NPAT: variants seen among roughly 807,000 people sequenced by gnomAD.
NPAT encodes the protein nuclear protein, coactivator of histone transcription.
NPAT carries 52 observed loss-of-function variants against 130.7 expected under a neutral mutation model. The observed-to-expected ratio is 0.40, with a 90% CI of 0.32 to 0.50. The LOEUF (loss-of-function observed/expected upper bound fraction) is 0.50, where lower values mean the gene tolerates loss of function less well. NPAT is among the 20% of genes least tolerant of loss of function. NPAT has a pLI of 0.68. For missense variants in NPAT, 1,687 were observed against 1,662.6 expected (o/e 1.01, Z -0.26); for synonymous variants, 580 against 584.8 (o/e 0.99, Z 0.12).
At chr11:108,159,133 T>A (rs2077822383) in intron 17 of NPAT, 114 bp from the exon 18 acceptor site, 1 of 661,036 alleles carries the variant, frequency 1.5e-6, no homozygotes, top group Non-Finnish European at 2.6e-6. Context: ...ATTGTCAAAC[T>A]TTTTTAGTCT....
intron 17 of NPAT, among the ~76,000 whole-genome samples, chr11:108,159,728 A>T (rs1253864719): frequency 1.3e-5 from 2 of 152,176 alleles, no homozygotes; most frequent in Admixed American, 6.5e-5. Context: ...AAAAAACATA[A>T]GGCCAGGCGC....
At chr11:108,179,518 G>A (rs1000507594) in intron 10 of NPAT, among the ~76,000 whole-genome samples, 1 of 152,188 alleles carries the variant, frequency 6.6e-6, no homozygotes, top group Admixed American at 6.5e-5. Flanking sequence ...GGGATTACAG[G>A]CGTGAGCCAC....
chr11:108,208,253 G>C (rs1307256600), intron 1 of NPAT, among the ~76,000 whole-genome samples: 2 of 152,068 alleles, frequency 1.3e-5, no homozygotes, highest in Non-Finnish European at 2.9e-5. Flanking sequence ...TCTCAAAGTA[G>C]GTATTAAGAC....
intron 12 of NPAT, among the ~76,000 whole-genome samples, chr11:108,174,497 G>A (rs2077984985): frequency 6.9e-6 from 1 of 144,496 alleles, no homozygotes; most frequent in Admixed American, 7.1e-5. Context: ...GGTAAAAACT[G>A]TAACAGCATA....
intron 1 of NPAT, among the ~76,000 whole-genome samples, chr11:108,207,781 G>A (rs896621545): frequency 3.6e-4 from 55 of 152,146 alleles, no homozygotes; most frequent in African/African-American, 1.3e-3. Context: ...GCTGCACCTG[G>A]GAGGGCAGGG....
intron 1 of NPAT, among the ~76,000 whole-genome samples, chr11:108,205,030 TAA>T (rs993979285): frequency 7.2e-5 from 11 of 152,152 alleles, no homozygotes; most frequent in African/African-American, 2.4e-4. Context: ...TAGGATAAAC[TAA>T]AAGAGATCCA....
Position 108,160,931 on chromosome 11 carries a change from A to C in NPAT, c.4155T>G (p.Ser1385=), listed in dbSNP as rs1453209507. ...LDERERNSRP[S]SKNLTNSSIP... ...TTGATGAATTTGTAAGATTTTTACTAGAAGGACGAGAGTTTCGCTCACGTT... is the reference window on the plus strand; with the variant it reads ...TTGATGAATTTGTAAGATTTTTACTCGAAGGACGAGAGTTTCGCTCACGTT... The change falls in exon 17 of 18, where the codon TCT becomes TCG. Residue 1385 remains serine (S), a synonymous_variant. Coordinates refer to ENST00000278612, the MANE Select transcript of NPAT (RefSeq NM_002519.3). 3 of 1,614,064 alleles carry C rather than the reference A, an allele frequency of 1.9e-6. No homozygotes were observed. In the African/African-American group the frequency reaches 4.0e-5, roughly 22 times the overall value.
chr11:108,193,580 C>A (rs776715700), intron 3 of NPAT, among the ~76,000 whole-genome samples: 28 of 152,084 alleles, frequency 1.8e-4, no homozygotes, highest in Non-Finnish European at 1.8e-4. Context: ...ACAAAATTAG[C>A]CGGGCATGGT....
chr11:108,197,506 T>C (rs1019355406), intron 1 of NPAT, 86 bp from the exon 2 acceptor site: 3 of 879,398 alleles, frequency 3.4e-6, no homozygotes, highest in South Asian at 1.4e-5. Context: ...TAGCATGTAC[T>C]GATGTCACAA....
intron 7 of NPAT, 96 bp from the exon 8 acceptor site, chr11:108,186,665 C>G: frequency 9.9e-7 from 1 of 1,005,566 alleles, no homozygotes; most frequent in South Asian, 1.4e-5. Flanking sequence ...ATCACCATAA[C>G]AGAACAGATA....
chr11:108,188,606 T>G (rs772813130), intron 6 of NPAT, among the ~76,000 whole-genome samples: 28 of 152,190 alleles, frequency 1.8e-4, no homozygotes, highest in Non-Finnish European at 1.8e-4. Context: ...TAGCTTCTTA[T>G]CCCTTAACTA....
At chr11:108,219,404 G>C (rs549801090) in intron 1 of NPAT, among the ~76,000 whole-genome samples, 1 of 152,086 alleles carries the variant, frequency 6.6e-6, no homozygotes, top group Admixed American at 6.5e-5. Context: ...GCTGCTGGGC[G>C]TCTTAGCTTT....
intron 1 of NPAT, among the ~76,000 whole-genome samples, chr11:108,198,994 C>G (rs1256543162): frequency 6.6e-6 from 1 of 152,230 alleles, no homozygotes; most frequent in Non-Finnish European, 1.5e-5. Context: ...AGCTACCCAA[C>G]AGGAAGCAGG....
chr11:108,168,642 C>G (rs995317531), intron 15 of NPAT, among the ~76,000 whole-genome samples: 23 of 152,086 alleles, frequency 1.5e-4, no homozygotes, highest in African/African-American at 5.6e-4. Context: ...AAAAATAAAA[C>G]CGGAATATCC....
At chr11:108,199,403 C>T (rs560628592) in intron 1 of NPAT, among the ~76,000 whole-genome samples, 2 of 152,278 alleles carry the variant, frequency 1.3e-5, no homozygotes, top group African/African-American at 2.4e-5. Context: ...AGCCTAGAGG[C>T]GAGCGAGGCC....
Position 108,222,619 on chromosome 11 carries a change from CTG to C in NPAT, c.-85_-84del, listed in dbSNP as rs1555050578. The C allele has an allele frequency of 1.3e-6, 2 of 1,489,590 alleles. No individual in the cohort carries two copies. Among genetic ancestry groups the C allele is most frequent in the Non-Finnish European group, 1.9e-6 (2 of 1,076,046 alleles). The allele number at this position is 1,489,590 out of a possible 1,614,324, so 92.3% of individuals were successfully genotyped here. ...AGCGACAGCTCCTGCGCCGCATCTC[CTG>C]GTTCCAGTGGCGGCACTGAACTCGC... is the stretch of plus-strand genomic sequence containing the variant. On this transcript the variant is annotated 5_prime_UTR_variant, in exon 1 of 18. Coordinates refer to ENST00000278612, the MANE Select transcript of NPAT (RefSeq NM_002519.3).
In NPAT at chr11:108,172,808, T is replaced by C. The variant is rs781543382; in HGVS notation, c.2176A>G (p.Ser726Gly). 1 of 1,613,740 alleles carries C rather than the reference T, an allele frequency of 6.2e-7. No homozygotes were observed. Among genetic ancestry groups the C allele is most frequent in the Non-Finnish European group, 8.5e-7 (1 of 1,180,014 alleles). Residue 726 changes from serine to glycine, a missense_variant, in exon 13 of 18, where the codon AGC becomes GGC. Transcript: ENST00000278612. ...GCATCTATCTCTGCTGAGTTGTTGC[T>C]AGAAGGTTTATCATCAGTATTTTGG... Reference protein sequence around the residue: ...ESQNTDDKPSSNNSAEIDASN... With the variant: ...ESQNTDDKPSGNNSAEIDASN...
At chr11:108,201,443 G>A (rs1463730219) in intron 1 of NPAT, among the ~76,000 whole-genome samples, 1 of 152,178 alleles carries the variant, frequency 6.6e-6, no homozygotes, top group Non-Finnish European at 1.5e-5. Flanking sequence ...CCTTGCTTGA[G>A]GCACCAGCCC....
chr11:108,202,098 A>G (rs2078280601), intron 1 of NPAT, among the ~76,000 whole-genome samples: 1 of 152,176 alleles, frequency 6.6e-6, no homozygotes, highest in Non-Finnish European at 1.5e-5. Flanking sequence ...AATAAAGCAA[A>G]GGGAAAGCAG....
Sources: gnomAD v4.1 joint callset for allele counts (sites outside exome capture counted in the v4.1 genomes callset) on GRCh38, gnomAD v4.1.1 for gene constraint, MANE v1.5 for transcripts, NCBI Gene and HGNC (gene_info 2026-07-23, HGNC 2026-07-21) for gene names.